The following LIX1 variants were observed in gnomAD, a reference collection of about 807,000 sequenced individuals.
The protein encoded by LIX1 is protein limb expression 1 homolog.
LIX1 carries 24 observed loss-of-function variants against 33.4 expected under a neutral mutation model. That is an observed-to-expected ratio of 0.72 (90% confidence interval 0.52 to 1.01). LIX1 has a LOEUF of 1.01. Among genes scored for constraint, LIX1 ranks in the 50% least tolerant of loss-of-function variants. The pLI is 0.00. For synonymous variants in LIX1, 124 were observed against 124.0 expected, an observed-to-expected ratio of 1.00 and a Z score of 0.00; for missense variants, 311 against 339.2, an observed-to-expected ratio of 0.92 and a Z score of 0.65.
Position 97,136,471 on chromosome 5 carries a change from T to C in LIX1, c.82+6024A>G, listed in dbSNP as rs1178533854. 6.6e-5 allele frequency among the ~76,000 whole-genome samples: 10 copies of C among 152,208 alleles called. 1 individual carries two copies. The highest frequency in any genetic ancestry group is 2.0e-4 in the Admixed American group (3 of 15,274). ...CCATTGGCAATCCAAAAATGTCTGA[T>C]TGTGCACTGCTAGGTGTGTGTTCCT... On this transcript the variant is annotated intron_variant, in intron 1 of 5. Coordinates refer to ENST00000274382, the MANE Select transcript of LIX1 (RefSeq NM_153234.5).
chr5:97,138,149 C>T (rs1423831141), intron 1 of LIX1, among the ~76,000 whole-genome samples: 2 of 152,146 alleles, frequency 1.3e-5, no homozygotes. Flanking sequence ...TTTTTCAACG[C>T]TTAGTAAAGG....
intron 1 of LIX1, among the ~76,000 whole-genome samples, chr5:97,139,235 G>A (rs1051685547): frequency 6.6e-6 from 1 of 152,194 alleles, no homozygotes; most frequent in East Asian, 1.9e-4. Context: ...CTAGCTTACT[G>A]TGAAGAATAA....
intron 2 of LIX1, among the ~76,000 whole-genome samples, chr5:97,114,796 T>A (rs1296727061): frequency 6.6e-6 from 1 of 152,188 alleles, no homozygotes; most frequent in East Asian, 1.9e-4. Context: ...CTTACACAAT[T>A]TGGGGGCCCT....
intron 4 of LIX1, among the ~76,000 whole-genome samples, chr5:97,097,959 C>A (rs316188): frequency 0.26 from 39,756 of 152,080 alleles, 5,835 homozygotes; most frequent in African/African-American, 0.41. Flanking sequence ...ATGACCAATC[C>A]ATTTTTGTCC....
chr5:97,134,415 C>T (rs1392344464), intron 1 of LIX1, among the ~76,000 whole-genome samples: 4 of 152,122 alleles, frequency 2.6e-5, no homozygotes, highest in East Asian at 3.8e-4. Flanking sequence ...CCACCGTGCC[C>T]GGCAGCCATA....
chr5:97,111,654 C>T (rs1747401528), intron 2 of LIX1, among the ~76,000 whole-genome samples: 1 of 152,180 alleles, frequency 6.6e-6, no homozygotes, highest in East Asian at 1.9e-4. Context: ...AGGCACTCTT[C>T]AGAAACAACT....
chr5:97,095,087 C>CCCGT, intron 5 of LIX1, 52 bp from the exon 6 acceptor site: 6 of 1,535,912 alleles, frequency 3.9e-6, no homozygotes, highest in Non-Finnish European at 5.4e-6. Context: ...AACAAAGGCA[C>CCCGT]CCGTCCACAT....
At chr5:97,132,951 C>T (rs1748089506) in intron 1 of LIX1, among the ~76,000 whole-genome samples, 1 of 152,136 alleles carries the variant, frequency 6.6e-6, no homozygotes, top group African/African-American at 2.4e-5. Context: ...TAATTGGACA[C>T]CCAGAGGGCA....
chr5:97,114,374 C>A (rs1747572404), intron 2 of LIX1, among the ~76,000 whole-genome samples: 1 of 152,124 alleles, frequency 6.6e-6, no homozygotes, highest in Non-Finnish European at 1.5e-5. Flanking sequence ...AAAAAATAAA[C>A]TTCCCTCGCT....
chr5:97,114,381 C>T (rs978909964), intron 2 of LIX1, among the ~76,000 whole-genome samples: 5 of 152,222 alleles, frequency 3.3e-5, no homozygotes, highest in South Asian at 2.1e-4. Flanking sequence ...AAACTTCCCT[C>T]GCTCTGATGA....
At chr5:97,130,140 C>G (rs528071600) in intron 1 of LIX1, among the ~76,000 whole-genome samples, 1 of 152,286 alleles carries the variant, frequency 6.6e-6, no homozygotes, top group Admixed American at 6.5e-5. Flanking sequence ...GACTGAGCCT[C>G]TCATTCCAGC....
chr5:97,100,215 G>A (rs1746620597), intron 4 of LIX1, among the ~76,000 whole-genome samples: 2 of 152,104 alleles, frequency 1.3e-5, no homozygotes, highest in African/African-American at 4.8e-5. Context: ...CCTTTCTCAT[G>A]CCCCTTGACA....
chr5:97,114,218 G>A (rs1411323043), intron 2 of LIX1, among the ~76,000 whole-genome samples: 2 of 152,126 alleles, frequency 1.3e-5, no homozygotes, highest in African/African-American at 2.4e-5. Context: ...AACTTCTCTG[G>A]CCGGGCATGG....
At chr5:97,102,522 C>T (rs952069630) in intron 4 of LIX1, among the ~76,000 whole-genome samples, 1 of 152,160 alleles carries the variant, frequency 6.6e-6, no homozygotes, top group Admixed American at 6.5e-5. Context: ...CTCACATCTT[C>T]CTCTTCCTTT....
intron 1 of LIX1, among the ~76,000 whole-genome samples, chr5:97,132,493 G>T (rs1409500339): frequency 6.6e-6 from 1 of 152,160 alleles, no homozygotes; most frequent in Non-Finnish European, 1.5e-5. Flanking sequence ...TGAAGGGAGA[G>T]AAATAATGAT....
At chr5:97,137,637 A>C (rs1334783032) in intron 1 of LIX1, among the ~76,000 whole-genome samples, 1 of 152,250 alleles carries the variant, frequency 6.6e-6, no homozygotes. Context: ...TGCTAAAATT[A>C]GCAGAGTTCA....
At chr5:97,104,508 C>T (rs1315600554) in intron 4 of LIX1, among the ~76,000 whole-genome samples, 4 of 152,100 alleles carry the variant, frequency 2.6e-5, no homozygotes, top group Middle Eastern at 3.2e-3. Flanking sequence ...ATGAGGATAA[C>T]GATATTATCC....
At chr5:97,137,506 G>A (rs1031210644) in intron 1 of LIX1, among the ~76,000 whole-genome samples, 11 of 151,010 alleles carry the variant, frequency 7.3e-5, no homozygotes, top group Admixed American at 7.3e-4. Context: ...ATTGATAGCT[G>A]TACTAAAATT....
chr5:97,140,228 A>ATG (rs1748257170), intron 1 of LIX1, among the ~76,000 whole-genome samples: 1 of 151,996 alleles, frequency 6.6e-6, no homozygotes, highest in African/African-American at 2.4e-5. Context: ...TTGTGTGTGC[A>ATG]TGTGTGTGTG....
Sources: allele counts gnomAD v4.1 joint callset (sites outside exome capture counted in the v4.1 genomes callset), GRCh38; gene constraint gnomAD v4.1.1; transcripts MANE v1.5; gene names NCBI Gene and HGNC (gene_info 2026-07-23, HGNC 2026-07-21).